CPNE9: variants seen among roughly 807,000 people sequenced by gnomAD.
The protein encoded by CPNE9 is copine-9.
In CPNE9, 59 loss-of-function variants were observed where a neutral mutation model predicts 83.0. That is an observed-to-expected ratio of 0.71 (90% CI 0.58 to 0.88). The LOEUF (loss-of-function observed/expected upper bound fraction) is 0.88. Among genes scored for constraint, CPNE9 ranks in the 40% least tolerant of loss-of-function variants. CPNE9 has a pLI of 0.00. For synonymous variants in CPNE9, 256 were observed against 273.4 expected (o/e 0.94, Z 0.63); for missense variants, 619 against 720.8 (o/e 0.86, Z 1.62).
intron 17 of CPNE9, among the ~76,000 whole-genome samples, chr3:9,723,171 G>A (rs953224226): frequency 5.3e-5 from 8 of 152,138 alleles, no homozygotes; most frequent in Non-Finnish European, 7.4e-5. Flanking sequence ...AGTGGGTAGG[G>A]GATGTAAAGG....
At chr3:9,710,006 G>GA (rs1159811118) in intron 7 of CPNE9, among the ~76,000 whole-genome samples, 46 of 139,324 alleles carry the variant, frequency 3.3e-4, no homozygotes, top group African/African-American at 6.8e-4. Flanking sequence ...AAAAAAAAAA[G>GA]AAAAAAAAAA....
intron 7 of CPNE9, among the ~76,000 whole-genome samples, chr3:9,707,007 G>A (rs1258075344): frequency 6.6e-6 from 1 of 152,120 alleles, no homozygotes; most frequent in Non-Finnish European, 1.5e-5. Context: ...CTGAGCGGAG[G>A]AGTGACATGA....
chr3:9,729,443 T>C, intron 20 of CPNE9, 64 bp from the exon 21 acceptor site: 1 of 1,513,068 alleles, frequency 6.6e-7, no homozygotes. Flanking sequence ...GAAGCCTCCC[T>C]GCTGCACCCC....
At chr3:9,719,432 G>A (rs748163045) in intron 17 of CPNE9, among the ~76,000 whole-genome samples, 3 of 152,150 alleles carry the variant, frequency 2.0e-5, no homozygotes, top group Non-Finnish European at 4.4e-5. Flanking sequence ...GAAGGCGTAC[G>A]TTTTAGCATC....
chr3:9,709,524 G>A (rs144202645), intron 7 of CPNE9, among the ~76,000 whole-genome samples: 10,160 of 150,734 alleles, frequency 0.067, 442 homozygotes, highest in Non-Finnish European at 0.1. Context: ...GCCTGCCACC[G>A]CGCCCAGCCA....
intron 17 of CPNE9, among the ~76,000 whole-genome samples, chr3:9,723,224 C>A (rs1158594077): frequency 6.6e-6 from 1 of 152,168 alleles, no homozygotes; most frequent in African/African-American, 2.4e-5. Flanking sequence ...GTAATCCCAG[C>A]ACTTTGGGAG....
intron 17 of CPNE9, among the ~76,000 whole-genome samples, chr3:9,724,734 A>G (rs1284689784): frequency 1.3e-5 from 2 of 149,296 alleles, no homozygotes; most frequent in Admixed American, 6.6e-5. Flanking sequence ...CTATCTATCT[A>G]TCTATCTATC....
At chr3:9,706,136 C>CTGAT (rs1284787388) in intron 7 of CPNE9, 73 bp downstream of exon 7, 2 of 1,468,668 alleles carry the variant, frequency 1.4e-6, no homozygotes, top group Non-Finnish European at 1.9e-6. Context: ...ATGCCGCTGA[C>CTGAT]TGATAGAAGT....
At chr3:9,726,842 G>C in intron 19 of CPNE9, 120 bp downstream of exon 19, 2 of 925,056 alleles carry the variant, frequency 2.2e-6, no homozygotes, top group East Asian at 2.5e-5. Flanking sequence ...GTGAAGCCTT[G>C]GTCAAGTCAC....
At position 9,704,791 on chromosome 3, in the gene CPNE9, G is replaced by T; in HGVS notation, c.152G>T (p.Arg51Leu). The T allele has an allele frequency of 6.2e-7, 1 of 1,608,628 alleles. No homozygotes were observed. The change falls in exon 3 of 21, where the codon CGG becomes CTG. Residue 51 changes from arginine to leucine, a missense_variant. Arg to Leu is a moderately radical substitution (Grantham distance 102). This residue lies in a region of CPNE9 where 130 missense variants were observed against 117.5 expected (regional missense o/e 1.11). Transcript: ENST00000383832. This position sits in a 1 kb window ranked among gnomAD's most constrained non-coding sequence, Gnocchi z 7.1. ...CAGAGCCGGGCCAGCCAGGAGTGGC[G>T]GGAGGTGAGTCCCAGAGCCCCCTCC... The part of the protein sequence containing the change: ...YTQSRASQEW[R>L]EFGRTEVIDN...
chr3:9,705,354 A>G, intron 4 of CPNE9, 110 bp from the exon 5 acceptor site: 1 of 804,712 alleles, frequency 1.2e-6, no homozygotes. Flanking sequence ...ATTCGGGTCC[A>G]CGGCCGCCCA....
At chr3:9,727,670 A>G (rs2076796797) in intron 20 of CPNE9, among the ~76,000 whole-genome samples, 1 of 152,202 alleles carries the variant, frequency 6.6e-6, no homozygotes, top group Non-Finnish European at 1.5e-5. Context: ...AAGCTAGGGT[A>G]GCAGGATCAC....
chr3:9,718,276 G>T (rs1020927372), intron 16 of CPNE9, 66 bp downstream of exon 16: 1 of 1,500,556 alleles, frequency 6.7e-7, no homozygotes, highest in East Asian at 2.3e-5. Flanking sequence ...TGATGATTTT[G>T]TTCTGTTTAC....
chr3:9,717,932 TAAATG>T, intron 15 of CPNE9, 92 bp from the exon 16 acceptor site: 2 of 1,059,304 alleles, frequency 1.9e-6, no homozygotes, highest in South Asian at 3.3e-5. Flanking sequence ...AGAGGGCAGA[TAAATG>T]GATATAGGTG....
chr3:9,704,369 TG>T lies in CPNE9; in HGVS notation c.69-215del, dbSNP rs1416873629. Among the ~76,000 whole-genome samples, 2 of 152,122 alleles carry T rather than the reference TG, an allele frequency of 1.3e-5. No homozygotes were observed. Among genetic ancestry groups the T allele is most frequent in the Non-Finnish European group, 1.5e-5 (1 of 68,026 alleles). Reference sequence around the variant, plus strand: ...CTTTCCTGGGCCCTTGGAGACAGTGTGGGTGCGTTCGCGTCCAGTCCGCAGA... The same window carrying T: ...CTTTCCTGGGCCCTTGGAGACAGTGTGGTGCGTTCGCGTCCAGTCCGCAGA... On this transcript the variant is annotated intron_variant, in intron 1 of 20. Coordinates refer to ENST00000383832, the MANE Select transcript of CPNE9 (RefSeq NM_153635.3). The surrounding 1 kb of genome is among the most constrained non-coding windows in gnomAD (Gnocchi z 7.1).
At position 9,725,987 on chromosome 3, in the gene CPNE9, T is replaced by A; in HGVS notation, c.1280T>A (p.Val427Asp). 6.2e-7 allele frequency: 1 copy of A among 1,613,522 alleles called. No individual in the cohort carries two copies. Among genetic ancestry groups the A allele is most frequent in the Non-Finnish European group, 8.5e-7 (1 of 1,179,658 alleles). The change falls in exon 18 of 21, where the codon GTT becomes GAT. Residue 427 changes from valine to aspartate, a missense_variant. By Grantham distance (152) the Val-to-Asp change is radical. Coordinates refer to ENST00000383832, the MANE Select transcript of CPNE9 (RefSeq NM_153635.3). ...ATCTCTGATGGCTCCCAGTACTATG[T>A]TCTGCTCATCATCACTGATGGGGTC... is the stretch of plus-strand genomic sequence containing the variant. Reference protein sequence around the residue: ...AKISDGSQYYVLLIITDGVIS... With the variant: ...AKISDGSQYYDLLIITDGVIS...
rs533771875 is a variant in CPNE9, at chr3:9,705,075, T to A, written c.260+81T>A. ...AATTCTGGCTGGCCCCACCCCCGCC[T>A]CGCCTCCGGCCTGGTTCTTCTCGCA... On this transcript the variant is annotated intron_variant, in intron 4 of 20. Transcript: ENST00000383832. 7 of 992,922 alleles carry A rather than the reference T, an allele frequency of 7.0e-6. No individual in the cohort carries two copies. The African/African-American group carries it at 1.0e-4, about 14-fold the overall frequency. 61.5% of individuals were successfully genotyped at this position (992,922 alleles called of 1,614,324 possible).
Position 9,718,434 on chromosome 3 carries a change from C to T in CPNE9, c.1114-41C>T, listed in dbSNP as rs1313686655. On this transcript the variant is annotated intron_variant, in intron 16 of 20. Coordinates refer to ENST00000383832, the MANE Select transcript of CPNE9 (RefSeq NM_153635.3). Reference sequence around the variant, plus strand: ...TGGAATCAGAGCACTCCTGCATGTACCCTGCATGGGCTCAGCCTGGCAGGG... The same window carrying T: ...TGGAATCAGAGCACTCCTGCATGTATCCTGCATGGGCTCAGCCTGGCAGGG... 5 of 1,595,760 alleles carry T rather than the reference C, an allele frequency of 3.1e-6. No individual in the cohort carries two copies. The Admixed American group carries it at 8.4e-5, about 27-fold the overall frequency.
At chr3:9,711,071 G>A (rs1314503124) in intron 7 of CPNE9, among the ~76,000 whole-genome samples, 2 of 152,046 alleles carry the variant, frequency 1.3e-5, no homozygotes, top group African/African-American at 4.8e-5. Flanking sequence ...GGATGCAAGG[G>A]AATGATTATT....
Sources: gnomAD v4.1 joint callset for allele counts (sites outside exome capture counted in the v4.1 genomes callset) on GRCh38, gnomAD v4.1.1 for gene constraint, gnomAD v4.1.1 regional missense constraint, Gnocchi (gnomAD v3.1) non-coding constraint, MANE v1.5 for transcripts, NCBI Gene and HGNC (gene_info 2026-07-23, HGNC 2026-07-21) for gene names.